SPOCK3: variants seen among roughly 807,000 people sequenced by gnomAD.
SPOCK3 encodes the protein testican-3.
In SPOCK3, 30 loss-of-function variants were observed where a neutral mutation model predicts 56.6. The ratio of observed to expected loss-of-function variants is 0.53; its 90% CI spans 0.40 to 0.72. SPOCK3 has a LOEUF of 0.72. Among genes scored for constraint, SPOCK3 ranks in the 30% least tolerant of loss-of-function variants. The pLI is 0.00. For synonymous variants in SPOCK3, 196 were observed against 183.3 expected (o/e 1.07, Z -0.56); for missense variants, 527 against 530.0 (o/e 0.99, Z 0.06).
In SPOCK3 at chr4:166,768,089, T is replaced by C. The variant is rs1045969725; in HGVS notation, c.710-13360A>G. The stretch of plus-strand genomic sequence containing the variant: ...TTTTGAGCCTATGTGTGTCTCTGCA[T>C]GTGAGATGGGTCTCCTGAATACAGC... On this transcript the variant is annotated intron_variant, in intron 7 of 10. Coordinates refer to ENST00000357545, the MANE Select transcript of SPOCK3 (RefSeq NM_001040159.2). 1.1e-4 allele frequency among the ~76,000 whole-genome samples: 17 copies of C among 152,194 alleles called. 1 individual carries two copies. In the Middle Eastern group the frequency reaches 0.01, roughly 91 times the overall value.
chr4:166,873,090 C>T (rs533202305), intron 6 of SPOCK3, among the ~76,000 whole-genome samples: 3 of 152,072 alleles, frequency 2.0e-5, no homozygotes, highest in East Asian at 1.9e-4. Flanking sequence ...ATATACTTTC[C>T]ACTAGCCCTC....
intron 2 of SPOCK3, among the ~76,000 whole-genome samples, chr4:167,124,822 T>C (rs1762133622): frequency 6.6e-6 from 1 of 152,232 alleles, no homozygotes; most frequent in Non-Finnish European, 1.5e-5. Context: ...TTTATCACAC[T>C]GACCTCATCT....
chr4:167,123,903 G>T (rs748438391), intron 2 of SPOCK3, among the ~76,000 whole-genome samples: 1 of 151,610 alleles, frequency 6.6e-6, no homozygotes, highest in African/African-American at 2.4e-5. Flanking sequence ...ATACTGCCAC[G>T]CCTGGCTAAT....
intron 2 of SPOCK3, among the ~76,000 whole-genome samples, chr4:167,202,406 T>C (rs1284344245): frequency 6.6e-6 from 1 of 151,994 alleles, no homozygotes; most frequent in Non-Finnish European, 1.5e-5. Context: ...CATGACAGTT[T>C]ATGCAAAGTG....
rs957320226 is a variant in SPOCK3 at position 167,074,520 on chromosome 4, C to G, written c.190-11983G>C. 3.3e-5 allele frequency among the ~76,000 whole-genome samples: 5 copies of G among 152,040 alleles called. No individual in the cohort carries two copies. The East Asian group carries it at 9.8e-4, about 30-fold the overall frequency. On this transcript the variant is annotated intron_variant, in intron 2 of 10. Transcript: ENST00000357545. ...CCACATGGGCCTCTCCACAGGGCAACTCACATTATGGCTTCCCCTACTGTG... is the reference window on the plus strand; with the variant it reads ...CCACATGGGCCTCTCCACAGGGCAAGTCACATTATGGCTTCCCCTACTGTG...
intron 5 of SPOCK3, among the ~76,000 whole-genome samples, chr4:166,890,698 A>G (rs1734677511): frequency 6.6e-6 from 1 of 151,970 alleles, no homozygotes; most frequent in Non-Finnish European, 1.5e-5. Context: ...TTTTAGAAAA[A>G]GTGTGATGTG....
intron 2 of SPOCK3, among the ~76,000 whole-genome samples, chr4:167,149,094 A>G (rs1465324048): frequency 6.6e-6 from 1 of 152,162 alleles, no homozygotes; most frequent in African/African-American, 2.4e-5. Context: ...TAAATCAAAA[A>G]GAACTCTAAG....
At chr4:167,073,392 A>G (rs1307843634) in intron 2 of SPOCK3, among the ~76,000 whole-genome samples, 1 of 151,840 alleles carries the variant, frequency 6.6e-6, no homozygotes, top group East Asian at 1.9e-4. Flanking sequence ...GTCATCATAA[A>G]TGAAAGTAAA....
chr4:166,880,986 T>C (rs1733624789), intron 6 of SPOCK3, among the ~76,000 whole-genome samples: 1 of 152,160 alleles, frequency 6.6e-6, no homozygotes, highest in South Asian at 2.1e-4. Flanking sequence ...TATTACATCT[T>C]TGTTATATTA....
chr4:167,055,659 C>A (rs567906851), intron 3 of SPOCK3, among the ~76,000 whole-genome samples: 110 of 152,340 alleles, frequency 7.2e-4, no homozygotes, highest in African/African-American at 2.5e-3. Context: ...TATCCCGCAC[C>A]TGGCTCAGAG....
At chr4:166,944,122 G>C (rs1234403165) in intron 4 of SPOCK3, among the ~76,000 whole-genome samples, 1 of 152,036 alleles carries the variant, frequency 6.6e-6, no homozygotes, top group African/African-American at 2.4e-5. Flanking sequence ...ACTCCAGCCT[G>C]GGTGACAGAG....
rs186055363 is a variant in SPOCK3, at chr4:166,788,761, T to A, written c.709+3409A>T. Among the ~76,000 whole-genome samples the A allele has an allele frequency of 5.1e-4, 78 of 151,834 alleles. No individual in the cohort carries two copies. The Middle Eastern group carries it at 0.014, about 27-fold the overall frequency. On this transcript the variant is annotated intron_variant, in intron 7 of 10. Coordinates refer to ENST00000357545, the MANE Select transcript of SPOCK3 (RefSeq NM_001040159.2). Reference sequence around the variant, plus strand: ...AAACAAGATATACAAGACGTTTTTTTAAAAAACTATAGTGCTATCTTAATA... The same window carrying A: ...AAACAAGATATACAAGACGTTTTTTAAAAAAACTATAGTGCTATCTTAATA...
intron 2 of SPOCK3, among the ~76,000 whole-genome samples, chr4:167,201,694 T>C (rs2110929874): frequency 6.6e-6 from 1 of 151,944 alleles, no homozygotes; most frequent in African/African-American, 2.4e-5. Context: ...TTTTTTCTTC[T>C]TTAATGACTA....
chr4:167,070,557 A>G (rs1021231054), intron 2 of SPOCK3, among the ~76,000 whole-genome samples: 4 of 151,960 alleles, frequency 2.6e-5, no homozygotes, highest in African/African-American at 9.7e-5. Context: ...TTTTCCTATT[A>G]TAATTAACTT....
intron 2 of SPOCK3, among the ~76,000 whole-genome samples, chr4:167,196,940 C>T (rs529307921): frequency 6.6e-6 from 1 of 152,206 alleles, no homozygotes; most frequent in South Asian, 2.1e-4. Flanking sequence ...TGCCATATAA[C>T]ATTATCTTTG....
At chr4:166,877,650 T>C (rs1420793750) in intron 6 of SPOCK3, among the ~76,000 whole-genome samples, 1 of 152,180 alleles carries the variant, frequency 6.6e-6, no homozygotes, top group African/African-American at 2.4e-5. Flanking sequence ...AATGTAAAAG[T>C]TCTCATTAAC....
intron 2 of SPOCK3, among the ~76,000 whole-genome samples, chr4:167,135,451 A>C (rs1475933867): frequency 1.3e-5 from 2 of 152,146 alleles, no homozygotes; most frequent in African/African-American, 4.8e-5. Context: ...GAAGACAATA[A>C]TTTTAATTAG....
chr4:166,894,024 CA>C (rs762036134), intron 5 of SPOCK3, among the ~76,000 whole-genome samples: 3 of 152,048 alleles, frequency 2.0e-5, no homozygotes, highest in Non-Finnish European at 4.4e-5. Context: ...ATCATTTGCA[CA>C]AAATGTCTTA....
chr4:167,192,897 T>C (rs1456631517), intron 2 of SPOCK3, among the ~76,000 whole-genome samples: 2 of 146,124 alleles, frequency 1.4e-5, no homozygotes, highest in Admixed American at 1.4e-4. Flanking sequence ...TTCCTTATAT[T>C]TGTGCATTTC....
Sources: allele counts gnomAD v4.1 joint callset (sites outside exome capture counted in the v4.1 genomes callset), GRCh38; gene constraint gnomAD v4.1.1; transcripts MANE v1.5; gene names NCBI Gene and HGNC (gene_info 2026-07-23, HGNC 2026-07-21).